The following KIF1B variants were observed in gnomAD, a reference collection of about 807,000 sequenced individuals.
The protein encoded by KIF1B is kinesin-like protein KIF1B.
Under a neutral mutation model 241.9 loss-of-function variants are expected in KIF1B, and 76 were observed. The observed-to-expected ratio is 0.31, with a 90% CI of 0.26 to 0.38. The LOEUF is 0.38. Among genes scored for constraint, KIF1B ranks in the 10% least tolerant of loss-of-function variants. The pLI is 1.00. For missense variants in KIF1B, 1,622 were observed against 2,271.4 expected (o/e 0.71, Z 5.81); for synonymous variants, 750 against 796.7 (o/e 0.94, Z 0.99).
At chr1:10,282,912 A>G (rs778304980) in intron 15 of KIF1B, among the ~76,000 whole-genome samples, 3 of 151,412 alleles carry the variant, frequency 2.0e-5, no homozygotes, top group Non-Finnish European at 4.4e-5. Context: ...TCTGTTAATA[A>G]AGATGAAGTT....
chr1:10,300,267 T>TA (rs1189386541), intron 22 of KIF1B, among the ~76,000 whole-genome samples: 4 of 148,460 alleles, frequency 2.7e-5, no homozygotes, highest in Non-Finnish European at 4.5e-5. Flanking sequence ...ATAATAATAA[T>TA]ATAGATAAAT....
chr1:10,351,683 T>C (rs1652798493), intron 37 of KIF1B, among the ~76,000 whole-genome samples: 1 of 152,076 alleles, frequency 6.6e-6, no homozygotes, highest in South Asian at 2.1e-4. Flanking sequence ...AAAGTCAGCA[T>C]GGCCAGGTAT....
chr1:10,253,599 T>C (rs1286546805), intron 2 of KIF1B, among the ~76,000 whole-genome samples: 1 of 152,136 alleles, frequency 6.6e-6, no homozygotes, highest in Non-Finnish European at 1.5e-5. Context: ...ATTGTGGTTG[T>C]ACCACTGTAC....
intron 3 of KIF1B, 39 bp downstream of exon 3, chr1:10,256,362 T>A: frequency 7.4e-7 from 1 of 1,350,370 alleles, no homozygotes; most frequent in South Asian, 1.2e-5. Flanking sequence ...AGCTCCTGCC[T>A]CCTTTCCTCT....
chr1:10,377,784 A>G lies in KIF1B; in HGVS notation c.*1197A>G, dbSNP rs974091614. 3 of 183,694 alleles carry G rather than the reference A, an allele frequency of 1.6e-5. No homozygotes were observed. Among genetic ancestry groups the G allele is most frequent in the Non-Finnish European group, 3.5e-5 (3 of 86,674 alleles). The allele number at this position is 183,694 out of a possible 1,614,324, so 11.4% of individuals were successfully genotyped here. ...AAACCCCGTCTCTACTAAAAATACAAAATTAGTCGGGTATGGTGGCACATG... is the reference window on the plus strand; with the variant it reads ...AAACCCCGTCTCTACTAAAAATACAGAATTAGTCGGGTATGGTGGCACATG... On this transcript the variant is annotated 3_prime_UTR_variant, in exon 49 of 49. Transcript: ENST00000676179.
In KIF1B at chr1:10,303,235, C is replaced by G. The variant is rs1650630758; in HGVS notation, c.2115+5989C>G. On this transcript the variant is annotated intron_variant, in intron 22 of 48. Transcript: ENST00000676179. This position sits in a 1 kb window ranked among gnomAD's most constrained non-coding sequence, Gnocchi z 5.2. Reference sequence around the variant, plus strand: ...AGAGAGCTGGAAACTGATTACTTCTCTGAGAGAAAAGCTACCTCCCAGCAA... The same window carrying G: ...AGAGAGCTGGAAACTGATTACTTCTGTGAGAGAAAAGCTACCTCCCAGCAA... The G allele has an allele frequency of 1.9e-6, 3 of 1,614,116 alleles. No individual in the cohort carries two copies. The highest frequency in any genetic ancestry group is 2.5e-6 in the Non-Finnish European group (3 of 1,180,012).
chr1:10,241,833 T>C (rs1413619399), intron 2 of KIF1B, among the ~76,000 whole-genome samples: 1 of 152,156 alleles, frequency 6.6e-6, no homozygotes, highest in African/African-American at 2.4e-5. Context: ...AATATCGTGG[T>C]GGTGATTGCT....
chr1:10,306,266 G>A (rs1478888057), intron 22 of KIF1B: 2 of 1,043,432 alleles, frequency 1.9e-6, no homozygotes, highest in Non-Finnish European at 2.3e-6. Context: ...GGTAAATGAT[G>A]TCTGTAATGG....
chr1:10,325,733 A>G lies in KIF1B; in HGVS notation c.2676-378A>G, dbSNP rs887213362. Among the ~76,000 whole-genome samples, 3 of 152,218 alleles carry G rather than the reference A, an allele frequency of 2.0e-5. No homozygotes were observed. In the East Asian group the frequency reaches 5.8e-4, roughly 29 times the overall value. On this transcript the variant is annotated intron_variant, in intron 26 of 48. Coordinates refer to ENST00000676179, the MANE Select transcript of KIF1B (RefSeq NM_001365951.3). ...GTTTCTGCTCCAAAATGACGTGAGA[A>G]TTTCAGTAAAGACTGAAAGCCTTCT...
chr1:10,380,730 G>A lies in KIF1B; in HGVS notation c.*4143G>A. On this transcript the variant is annotated 3_prime_UTR_variant, in exon 49 of 49. Coordinates refer to ENST00000676179, the MANE Select transcript of KIF1B (RefSeq NM_001365951.3). ...CAAAAAAAAAGAAAAGATTCATGAT[G>A]CTGCTGCTCCCAGAAGGTTTGCTGG... 9.4e-6 allele frequency: 2 copies of A among 213,136 alleles called. No homozygotes were observed. Among genetic ancestry groups the A allele is most frequent in the East Asian group, 1.4e-4 (2 of 14,230 alleles). The allele number at this position is 213,136 out of a possible 1,614,324, so 13.2% of individuals were successfully genotyped here.
At chr1:10,259,080 C>G (rs187410900) in intron 4 of KIF1B, among the ~76,000 whole-genome samples, 1 of 149,978 alleles carries the variant, frequency 6.7e-6, no homozygotes, top group Non-Finnish European at 1.5e-5. Flanking sequence ...TAGCCTTATT[C>G]GGAGATACTT....
At chr1:10,233,710 C>CTTTTTTTTTTTTTTT (rs61200537) in intron 2 of KIF1B, among the ~76,000 whole-genome samples, 2 of 142,646 alleles carry the variant, frequency 1.4e-5, no homozygotes, top group Non-Finnish European at 1.5e-5. Context: ...CTCAATAAAG[C>CTTTTTTTTTTTTTTT]TTTTTTTTTT....
At chr1:10,280,523 C>T (rs895154380) in intron 14 of KIF1B, among the ~76,000 whole-genome samples, 1 of 152,112 alleles carries the variant, frequency 6.6e-6, no homozygotes, top group Non-Finnish European at 1.5e-5. Flanking sequence ...TGTGAGCCAT[C>T]AAGCCCAGCC....
At chr1:10,250,552 A>G (rs1475365265) in intron 2 of KIF1B, among the ~76,000 whole-genome samples, 1 of 152,136 alleles carries the variant, frequency 6.6e-6, no homozygotes, top group Non-Finnish European at 1.5e-5. Flanking sequence ...TATGTTTAGA[A>G]TATTAAGCCA....
At chr1:10,355,035 G>A (rs1395152870) in intron 38 of KIF1B, among the ~76,000 whole-genome samples, 2 of 152,084 alleles carry the variant, frequency 1.3e-5, no homozygotes, top group Non-Finnish European at 2.9e-5. Context: ...TTATGTTAAT[G>A]CATTGACTTG....
Position 10,303,650 on chromosome 1 carries a change from A to T in KIF1B, c.2115+6404A>T. 1 of 1,614,236 alleles carries T rather than the reference A, an allele frequency of 6.2e-7. No individual in the cohort carries two copies. Among genetic ancestry groups the T allele is most frequent in the Non-Finnish European group, 8.5e-7 (1 of 1,180,044 alleles). On this transcript the variant is annotated intron_variant, in intron 22 of 48. Coordinates refer to ENST00000676179, the MANE Select transcript of KIF1B (RefSeq NM_001365951.3). The surrounding 1 kb of genome is among the most constrained non-coding windows in gnomAD (Gnocchi z 5.2). ...ACTGATGTAGATGACCTCAAGGTTC[A>T]TATAGACAAGCTGGAAGATATTTTG... is the stretch of plus-strand genomic sequence containing the variant.
chr1:10,328,470 A>G (rs946560020), intron 27 of KIF1B, among the ~76,000 whole-genome samples: 4 of 152,384 alleles, frequency 2.6e-5, no homozygotes, highest in Admixed American at 2.0e-4. Flanking sequence ...GCATATCGCC[A>G]TGAATAGATA....
At chr1:10,246,902 C>T (rs544640932) in intron 2 of KIF1B, among the ~76,000 whole-genome samples, 10 of 152,194 alleles carry the variant, frequency 6.6e-5, no homozygotes, top group South Asian at 2.1e-4. Flanking sequence ...GAGCCTCTGT[C>T]GCCCAGGCTG....
At chr1:10,351,348 T>TG (rs1455824506) in intron 37 of KIF1B, among the ~76,000 whole-genome samples, 1 of 152,138 alleles carries the variant, frequency 6.6e-6, no homozygotes, top group Non-Finnish European at 1.5e-5. Context: ...AAGGATCCTA[T>TG]GATATATTTT....
Sources: gnomAD v4.1 joint callset for allele counts (sites outside exome capture counted in the v4.1 genomes callset) on GRCh38, gnomAD v4.1.1 for gene constraint, Gnocchi (gnomAD v3.1) non-coding constraint, MANE v1.5 for transcripts, NCBI Gene and HGNC (gene_info 2026-07-23, HGNC 2026-07-21) for gene names.